Variants in ATP11B observed in about 807,000 individuals in gnomAD.
ATP11B encodes the protein phospholipid-transporting ATPase IF.
Under a neutral mutation model 157.8 loss-of-function variants are expected in ATP11B, and 81 were observed. The ratio of observed to expected loss-of-function variants is 0.51; its 90% CI spans 0.43 to 0.62. ATP11B has a LOEUF of 0.62. Among genes scored for constraint, ATP11B ranks in the 20% least tolerant of loss-of-function variants. The pLI is 0.00. For synonymous variants in ATP11B, 451 were observed against 469.4 expected (o/e 0.96, Z 0.51); for missense variants, 1,165 against 1,402.2 (o/e 0.83, Z 2.70).
chr3:182,814,837 T>G (rs1716878167), intron 1 of ATP11B, among the ~76,000 whole-genome samples: 1 of 151,792 alleles, frequency 6.6e-6, no homozygotes, highest in Non-Finnish European at 1.5e-5. Flanking sequence ...GAGGGGGAGA[T>G]AGATACAGAG....
chr3:182,871,855 G>A (rs906208455), intron 17 of ATP11B, among the ~76,000 whole-genome samples: 4 of 149,912 alleles, frequency 2.7e-5, no homozygotes, highest in Non-Finnish European at 4.4e-5. Context: ...TCGCTCTTTC[G>A]CCCAGGCTGG....
intron 17 of ATP11B, among the ~76,000 whole-genome samples, chr3:182,870,132 A>G (rs958952893): frequency 6.6e-6 from 1 of 152,200 alleles, no homozygotes; most frequent in Non-Finnish European, 1.5e-5. Context: ...GAGCAATGAG[A>G]TATTGTGGAT....
intron 1 of ATP11B, among the ~76,000 whole-genome samples, chr3:182,798,659 A>C (rs1053258646): frequency 1.3e-5 from 2 of 152,252 alleles, no homozygotes; most frequent in African/African-American, 4.8e-5. Context: ...CATTATTGTC[A>C]TTAAATGTTT....
At chr3:182,880,022 G>A (rs1021930478) in intron 20 of ATP11B, among the ~76,000 whole-genome samples, 1 of 152,338 alleles carries the variant, frequency 6.6e-6, no homozygotes, top group Non-Finnish European at 1.5e-5. Flanking sequence ...TTCTCATGAA[G>A]TGATAATTCT....
Position 182,869,283 on chromosome 3 carries a change from A to G in ATP11B, c.1818A>G (p.Ile606Met). 1 of 1,609,862 alleles carries G rather than the reference A, an allele frequency of 6.2e-7. No homozygotes were observed. Among genetic ancestry groups the G allele is most frequent in the East Asian group, 2.2e-5 (1 of 44,666 alleles). The change falls in exon 17 of 30, where the codon ATA (isoleucine) becomes ATG (methionine). Residue 606 changes from isoleucine to methionine, a missense_variant. Physicochemically the swap from Ile to Met is conservative, Grantham distance 10. Around this residue, in one of 4 missense-constraint regions of ATP11B, gnomAD observed 737 missense variants for 930.5 expected, o/e 0.79. Coordinates refer to ENST00000323116, the MANE Select transcript of ATP11B (RefSeq NM_014616.3). ...GAESSILPKCIGGEIEKTRIH... is the reference protein window; with the variant it reads ...GAESSILPKCMGGEIEKTRIH... ...AGTCATCAATTCTCCCTAAATGTAT[A>G]GGTGGAGAAATAGAAAAAACCAGAA...
At position 182,805,075 on chromosome 3, in the gene ATP11B, A is replaced by G. The variant is rs117427882; in HGVS notation, c.27+11289A>G. Among the ~76,000 whole-genome samples the G allele has an allele frequency of 2.0e-4, 30 of 152,348 alleles. 1 individual carries two copies. The East Asian group carries it at 5.6e-3, about 28-fold the overall frequency. ...CTGCCTTCTGGGTATTAGAAATAAC[A>G]CGGCTTTGACCATTCATCTGTAAGT... On this transcript the variant is annotated intron_variant, in intron 1 of 29. Transcript: ENST00000323116.
chr3:182,895,089 G>A (rs1031995172), intron 25 of ATP11B, among the ~76,000 whole-genome samples: 1 of 144,978 alleles, frequency 6.9e-6, no homozygotes, highest in Non-Finnish European at 1.5e-5. Context: ...CTCCAGCCTG[G>A]GTGACAGATG....
chr3:182,795,233 A>C (rs942729101), intron 1 of ATP11B, among the ~76,000 whole-genome samples: 2 of 152,162 alleles, frequency 1.3e-5, no homozygotes, highest in Admixed American at 6.5e-5. Flanking sequence ...TTTTACTCAG[A>C]AAGTTAATTA....
At chr3:182,851,386 C>T (rs887222158) in intron 10 of ATP11B, among the ~76,000 whole-genome samples, 11 of 152,264 alleles carry the variant, frequency 7.2e-5, no homozygotes, top group Admixed American at 5.9e-4. Context: ...TTGCCTTCAG[C>T]TCACATCTTC....
intron 17 of ATP11B, among the ~76,000 whole-genome samples, chr3:182,870,053 A>C (rs1336985891): frequency 6.6e-6 from 1 of 152,046 alleles, no homozygotes; most frequent in African/African-American, 2.4e-5. Flanking sequence ...AGAATAGGCA[A>C]ATTCACAGAG....
chr3:182,844,492 A>C (rs905126386), intron 8 of ATP11B: 43 of 855,876 alleles, frequency 5.0e-5, no homozygotes, highest in Non-Finnish European at 6.0e-5. Flanking sequence ...GCTATCACTA[A>C]GAAGATCAAT....
In ATP11B at chr3:182,893,094, G is replaced by T. The variant is rs915894368; in HGVS notation, c.2982+3546G>T. On this transcript the variant is annotated intron_variant, in intron 25 of 29. Coordinates refer to ENST00000323116, the MANE Select transcript of ATP11B (RefSeq NM_014616.3). ...AAGTAGGGCTTGTCTTAATAATACAGTAGTATTGTCTTACCATGGACATTT... is the reference window on the plus strand; with the variant it reads ...AAGTAGGGCTTGTCTTAATAATACATTAGTATTGTCTTACCATGGACATTT... 2.0e-5 allele frequency among the ~76,000 whole-genome samples: 3 copies of T among 152,166 alleles called. No individual in the cohort carries two copies. In the East Asian group the frequency reaches 5.8e-4, roughly 29 times the overall value.
chr3:182,874,365 A>G (rs561483885), intron 19 of ATP11B, among the ~76,000 whole-genome samples: 9 of 152,366 alleles, frequency 5.9e-5, no homozygotes, highest in South Asian at 2.1e-4. Flanking sequence ...TTGATACTCT[A>G]CAAATCACAG....
chr3:182,911,519 T>C (rs1014082356), intron 28 of ATP11B, among the ~76,000 whole-genome samples: 1 of 152,048 alleles, frequency 6.6e-6, no homozygotes, highest in African/African-American at 2.4e-5. Context: ...CTTAACGGTT[T>C]CCTCATCTGT....
At chr3:182,822,308 C>T (rs116253681) in intron 2 of ATP11B, among the ~76,000 whole-genome samples, 3,442 of 152,152 alleles carry the variant, frequency 0.023, 128 homozygotes, top group African/African-American at 0.08. Context: ...TGATATTCCC[C>T]ATCTTGTGTC....
intron 28 of ATP11B, among the ~76,000 whole-genome samples, chr3:182,905,141 A>G (rs1431312220): frequency 2.6e-5 from 4 of 152,128 alleles, no homozygotes; most frequent in Admixed American, 6.6e-5. Context: ...ATCCTGGAAA[A>G]ATACATAGAG....
chr3:182,830,925 T>C (rs1160371375), intron 4 of ATP11B, among the ~76,000 whole-genome samples: 1 of 152,176 alleles, frequency 6.6e-6, no homozygotes, highest in African/African-American at 2.4e-5. Context: ...TTTGATGAAA[T>C]AAATGACAAA....
At chr3:182,866,472 G>C (rs778135744) in intron 14 of ATP11B, 29 bp downstream of exon 14, 3 of 1,458,966 alleles carry the variant, frequency 2.1e-6, no homozygotes, top group Non-Finnish European at 2.8e-6. Context: ...CAAATCTTCG[G>C]AAAAACACCA....
chr3:182,823,378 TC>T (rs1717497018), intron 2 of ATP11B, among the ~76,000 whole-genome samples: 1 of 152,222 alleles, frequency 6.6e-6, no homozygotes, highest in South Asian at 2.1e-4. Flanking sequence ...GGGACTCCTT[TC>T]CCCATTTCTT....
Sources: gnomAD v4.1 joint callset for allele counts (sites outside exome capture counted in the v4.1 genomes callset) on GRCh38, gnomAD v4.1.1 for gene constraint, gnomAD v4.1.1 regional missense constraint, MANE v1.5 for transcripts, NCBI Gene and HGNC (gene_info 2026-07-23, HGNC 2026-07-21) for gene names.